The following E2F4 variants were observed in gnomAD, a reference collection of about 807,000 sequenced individuals.
E2F4 encodes the protein E2F transcription factor 4, also known as transcription factor E2F4.
A neutral mutation model predicts 44.5 loss-of-function variants in E2F4; 16 were observed. That is an observed-to-expected ratio of 0.36 (90% confidence interval 0.24 to 0.55). The LOEUF (loss-of-function observed/expected upper bound fraction) is 0.55, where lower values mean the gene tolerates loss of function less well. Ranked by LOEUF, E2F4 falls within the 20% of genes least tolerant of loss-of-function variation. The probability of loss-of-function intolerance (pLI) is 0.87; values close to 1 mark genes in which losing one functional copy is unlikely to be tolerated. For missense variants in E2F4, 473 were observed against 522.1 expected (o/e 0.91, Z 0.92); for synonymous variants, 242 against 207.2 (o/e 1.17, Z -1.44).
At position 67,198,603 on chromosome 16, in the gene E2F4, C is replaced by T. The variant is rs558126505; in HGVS notation, c.*480C>T. The T allele has an allele frequency of 2.2e-5, 4 of 179,826 alleles. No individual in the cohort carries two copies. The highest frequency in any genetic ancestry group is 1.5e-4 in the East Asian group (1 of 6,698). 11.1% of individuals were successfully genotyped at this position (179,826 alleles called of 1,614,324 possible). ...CCTCCAGCTCCTCCTGGCCCTCTCACGTGCCCACTTCTGCTGGGCCTTTAG... is the reference window on the plus strand; with the variant it reads ...CCTCCAGCTCCTCCTGGCCCTCTCATGTGCCCACTTCTGCTGGGCCTTTAG... On this transcript the variant is annotated 3_prime_UTR_variant, in exon 10 of 10. Coordinates refer to ENST00000379378, the MANE Select transcript of E2F4 (RefSeq NM_001950.4).
At chr16:67,196,822 C>T (rs1395344772) in intron 7 of E2F4, among the ~76,000 whole-genome samples, 2 of 152,168 alleles carry the variant, frequency 1.3e-5, no homozygotes, top group Non-Finnish European at 2.9e-5. Context: ...ACCCTTGGCT[C>T]TCACTCTAGT....
rs779653903 is a variant in E2F4, at chr16:67,193,081, G to A, written c.318G>A (p.Glu106=). 6.4e-7 allele frequency: 1 copy of A among 1,570,328 alleles called. No homozygotes were observed. The highest frequency in any genetic ancestry group is 8.6e-7 in the Non-Finnish European group (1 of 1,157,262). ...TTGAGCTCAAGGCAGAGATCGAGGA[G>A]CTGCAGCAGCGGGAGCAAGAACTAG... is the stretch of plus-strand genomic sequence containing the variant. ...KLIELKAEIE[E]LQQREQELDQ... Residue 106 remains glutamate, a synonymous_variant, in exon 3 of 10, where the codon GAG becomes GAA. Coordinates refer to ENST00000379378, the MANE Select transcript of E2F4 (RefSeq NM_001950.4).
intron 7 of E2F4, among the ~76,000 whole-genome samples, chr16:67,196,781 C>T (rs2032976179): frequency 6.6e-6 from 1 of 152,206 alleles, no homozygotes; most frequent in South Asian, 2.1e-4. Flanking sequence ...CCTCTGCGCA[C>T]CCAGCCGTCA....
intron 4 of E2F4, chr16:67,194,180 C>A: frequency 1.8e-6 from 1 of 555,452 alleles, no homozygotes; most frequent in Admixed American, 3.3e-5. Flanking sequence ...AGTGATCTTT[C>A]ACTCCACATA....
At chr16:67,192,416 G>T (rs1192859655) in intron 1 of E2F4, 54 bp downstream of exon 1, 15 of 1,409,252 alleles carry the variant, frequency 1.1e-5, no homozygotes, top group Middle Eastern at 5.1e-4. Context: ...GGCCTGGGCC[G>T]GTAGCGGGAA....
In E2F4 at chr16:67,194,974, A is replaced by C. The variant is rs1474024561; in HGVS notation, c.802A>C (p.Ile268Leu). The C allele has an allele frequency of 1.9e-6, 3 of 1,612,872 alleles. No homozygotes were observed. The highest frequency in any genetic ancestry group is 2.7e-5 in the African/African-American group (2 of 75,032). ...GGGAATGGCTGGCCCAGCAGCTGAG[A>C]TCACAGGTGAGGCACCATGGGAGCT... ...VQGMAGPAAE[I>L]TVSGGPGTDS... is the part of the protein sequence containing the mutation. The change falls in exon 6 of 10, where the codon ATC (isoleucine) becomes CTC (leucine). Residue 268 changes from isoleucine (I) to leucine (L), a missense_variant. By Grantham distance (5) the Ile-to-Leu change is conservative. Transcript: ENST00000379378.
chr16:67,197,492 CTG>C (rs1223718381), intron 7 of E2F4, 105 bp from the exon 8 acceptor site: 17 of 1,139,996 alleles, frequency 1.5e-5, no homozygotes, highest in African/African-American at 3.1e-5. Flanking sequence ...ATCTCCTTAG[CTG>C]TGTGGAGCCT....
chr16:67,194,261 A>G (rs941940111), intron 4 of E2F4, 137 bp from the exon 5 acceptor site: 2 of 864,564 alleles, frequency 2.3e-6, no homozygotes, highest in Admixed American at 2.7e-5. Context: ...CTGCCTGGCC[A>G]CTATGGGGGA....
intron 4 of E2F4, 59 bp downstream of exon 4, chr16:67,193,574 A>C: frequency 2.6e-6 from 4 of 1,560,218 alleles, no homozygotes; most frequent in Admixed American, 1.7e-5. Context: ...AGTCCTGAGC[A>C]CTGGGCTCAG....
chr16:67,196,910 ATCC>A (rs1023236039), intron 7 of E2F4, among the ~76,000 whole-genome samples: 3 of 151,910 alleles, frequency 2.0e-5, no homozygotes, highest in Non-Finnish European at 4.4e-5. Context: ...GTCCCCTCCT[ATCC>A]TCTGGTATCC....
At chr16:67,196,346 C>T (rs1304278559) in intron 7 of E2F4, among the ~76,000 whole-genome samples, 1 of 152,210 alleles carries the variant, frequency 6.6e-6, no homozygotes, top group East Asian at 1.9e-4. Context: ...TCCTAGTCAC[C>T]TTTCAGGTTG....
At chr16:67,195,688 G>T in intron 6 of E2F4, 94 bp from the exon 7 acceptor site, 1 of 1,573,156 alleles carries the variant, frequency 6.4e-7, no homozygotes, top group Non-Finnish European at 8.6e-7. Flanking sequence ...TGGGAACCAG[G>T]CTTGTGGTCC....
At chr16:67,192,594 C>T (rs2032904419) in intron 1 of E2F4, 167 bp from the exon 2 acceptor site, 2 of 930,074 alleles carry the variant, frequency 2.2e-6, no homozygotes, top group Admixed American at 2.8e-5. Context: ...TCCTGGCTGG[C>T]GAGGAGAAGA....
chr16:67,197,874 G>T lies in E2F4; in HGVS notation c.1089G>T (p.Met363Ile), dbSNP rs778689522. 8.7e-6 allele frequency: 14 copies of T among 1,614,130 alleles called. No individual in the cohort carries two copies. Among genetic ancestry groups the T allele is most frequent in the African/African-American group, 1.3e-5 (1 of 75,024 alleles). ...SEIFDPTREC[M>I]SSELLEELMS... Reference sequence around the variant, plus strand: ...AGCTCCCTCCATTCCCAGAGTGCATGAGCTCGGAGCTGCTGGAGGAGTTGA... The same window carrying T: ...AGCTCCCTCCATTCCCAGAGTGCATTAGCTCGGAGCTGCTGGAGGAGTTGA... Residue 363 changes from methionine (M) to isoleucine (I), a missense_variant, in exon 9 of 10, where the codon ATG becomes ATT. Transcript: ENST00000379378.
chr16:67,193,226 C>A, intron 3 of E2F4, 56 bp downstream of exon 3: 1 of 1,538,406 alleles, frequency 6.5e-7, no homozygotes. Context: ...TCTGGTTCAA[C>A]TTGCCCTGAG....
rs1380462471 is a variant in E2F4, at chr16:67,198,085, G to C, written c.1204G>C (p.Val402Leu). Residue 402 changes from valine (V) to leucine (L), a missense_variant, in exon 10 of 10, where the codon GTC (valine) becomes CTC (leucine). By Grantham distance (32) the Val-to-Leu change is conservative (BLOSUM62 1). Around this residue, in one of 3 missense-constraint regions of E2F4, gnomAD observed 314 missense variants for 315.6 expected, o/e 0.99. Coordinates refer to ENST00000379378, the MANE Select transcript of E2F4 (RefSeq NM_001950.4). ...CTACAACCTGGACGAGAGTGAAGGT[G>C]TCTGTGACCTCTTTGATGTGCCTGT... Reference protein sequence around the residue: ...YIYNLDESEGVCDLFDVPVLN... With the variant: ...YIYNLDESEGLCDLFDVPVLN... 6.2e-7 allele frequency: 1 copy of C among 1,614,004 alleles called. No individual in the cohort carries two copies. Among genetic ancestry groups the C allele is most frequent in the Non-Finnish European group, 8.5e-7 (1 of 1,179,988 alleles).
intron 4 of E2F4, 65 bp downstream of exon 4, chr16:67,193,580 C>A: frequency 6.5e-7 from 1 of 1,546,126 alleles, no homozygotes; most frequent in Non-Finnish European, 8.9e-7. Flanking sequence ...GAGCACTGGG[C>A]TCAGTGTCTT....
intron 6 of E2F4, among the ~76,000 whole-genome samples, chr16:67,195,186 G>A (rs2032948432): frequency 1.3e-5 from 2 of 152,218 alleles, no homozygotes; most frequent in Admixed American, 1.3e-4. Flanking sequence ...AGGCTGGAGT[G>A]TGCAATGGCG....
At position 67,193,115 on chromosome 16, in the gene E2F4, A is replaced by T; in HGVS notation, c.352A>T (p.Lys118Ter). ...QQREQELDQHKVWVQQSIRNV... is the reference protein window; with the variant it reads ...QQREQELDQH ...GCGGGAGCAAGAACTAGACCAGCAC[A>T]AGGTGTGGGTGCAGCAGAGCATCCG... The change falls in exon 3 of 10, where the codon AAG (lysine) becomes TAG (stop). Residue 118 changes from lysine to a stop codon, truncating the protein, a stop_gained. Coordinates refer to ENST00000379378, the MANE Select transcript of E2F4 (RefSeq NM_001950.4). LOFTEE classifies it high-confidence loss of function. 1 of 1,574,662 alleles carries T rather than the reference A, an allele frequency of 6.4e-7. No individual in the cohort carries two copies.
Sources: gnomAD v4.1 joint callset for allele counts (sites outside exome capture counted in the v4.1 genomes callset) on GRCh38, gnomAD v4.1.1 for gene constraint, gnomAD v4.1.1 regional missense constraint, MANE v1.5 for transcripts, NCBI Gene and HGNC (gene_info 2026-07-23, HGNC 2026-07-21) for gene names.